KHDRBS2: variants seen among roughly 807,000 people sequenced by gnomAD.
KHDRBS2 encodes the protein KH RNA binding domain containing, signal transduction associated 2, also known as KH domain-containing, RNA-binding, signal transduction-associated protein 2.
Under a neutral mutation model 44.3 loss-of-function variants are expected in KHDRBS2, and 26 were observed. That is an observed-to-expected ratio of 0.59 (90% CI 0.43 to 0.81). The LOEUF (loss-of-function observed/expected upper bound fraction) is 0.81. Ranked by LOEUF, KHDRBS2 falls within the 40% of genes least tolerant of loss-of-function variation. KHDRBS2 has a pLI of 0.00. For missense variants in KHDRBS2, 476 were observed against 433.1 expected, an observed-to-expected ratio of 1.10 and a Z score of -0.88; for synonymous variants, 194 against 151.1, an observed-to-expected ratio of 1.28 and a Z score of -2.08.
At chr6:61,901,487 T>A in intron 4 of KHDRBS2, 116 bp from the exon 5 acceptor site, 1 of 768,732 alleles carries the variant, frequency 1.3e-6, no homozygotes, top group Non-Finnish European at 2.1e-6. Context: ...TTCATTTGTT[T>A]CCTGGAACTT....
At chr6:61,951,597 T>G (rs182538856) in intron 4 of KHDRBS2, among the ~76,000 whole-genome samples, 1 of 152,074 alleles carries the variant, frequency 6.6e-6, no homozygotes, top group Non-Finnish European at 1.5e-5. Context: ...GATTGCTTAC[T>G]CATGCAGTTC....
rs200585335 is a variant in KHDRBS2, at chr6:61,701,787, G to A, written c.894-4534C>T. Reference sequence around the variant, plus strand: ...ACTGTTATTGCCCACTGAGTCTTATGTGTTTTCTTCTGTTTTTCTAATGAT... The same window carrying A: ...ACTGTTATTGCCCACTGAGTCTTATATGTTTTCTTCTGTTTTTCTAATGAT... On this transcript the variant is annotated intron_variant, in intron 7 of 8. Coordinates refer to ENST00000281156, the MANE Select transcript of KHDRBS2 (RefSeq NM_152688.4). 4.6e-5 allele frequency among the ~76,000 whole-genome samples: 7 copies of A among 152,084 alleles called. No homozygotes were observed. In the East Asian group the frequency reaches 9.7e-4, roughly 21 times the overall value.
At chr6:61,959,080 G>C (rs2127392072) in intron 4 of KHDRBS2, among the ~76,000 whole-genome samples, 1 of 152,188 alleles carries the variant, frequency 6.6e-6, no homozygotes, top group East Asian at 1.9e-4. Context: ...TTCTTCTATT[G>C]TCCACAATGT....
chr6:61,579,006 A>ACAAAC, the KHDRBS2 span, among the ~76,000 whole-genome samples: 1 of 152,192 alleles, frequency 6.6e-6, no homozygotes, highest in Admixed American at 6.5e-5. Context: ...ACAGCTTGTC[A>ACAAAC]CAAACTATTA....
At chr6:61,695,401 C>T (rs1653729717) in intron 8 of KHDRBS2, among the ~76,000 whole-genome samples, 1 of 152,136 alleles carries the variant, frequency 6.6e-6, no homozygotes, top group Admixed American at 6.6e-5. Flanking sequence ...TTATCTGTTT[C>T]CCATCCTTCT....
At chr6:62,020,168 T>G (rs567883268) in intron 3 of KHDRBS2, among the ~76,000 whole-genome samples, 1 of 152,142 alleles carries the variant, frequency 6.6e-6, no homozygotes, top group African/African-American at 2.4e-5. Context: ...CTTCTTAAAC[T>G]TATGGATTAT....
At chr6:61,780,362 T>A (rs936917824) in intron 6 of KHDRBS2, among the ~76,000 whole-genome samples, 32 of 152,022 alleles carry the variant, frequency 2.1e-4, no homozygotes, top group Non-Finnish European at 3.7e-4. Context: ...TAGCCAGGTG[T>A]GGTGGCGTGT....
chr6:62,094,840 T>A (rs1263594538), intron 2 of KHDRBS2, among the ~76,000 whole-genome samples: 1 of 151,966 alleles, frequency 6.6e-6, no homozygotes. Flanking sequence ...TACACATACT[T>A]GGCATTTTTT....
chr6:62,048,121 T>TACACACACACACACACACAC (rs58133580), intron 2 of KHDRBS2, 127 bp from the exon 3 acceptor site: 15 of 405,536 alleles, frequency 3.7e-5, no homozygotes, highest in African/African-American at 3.1e-4. Context: ...GCCATAAACA[T>TACACACACACACACACACAC]ACACACACAC....
chr6:62,156,500 A>G (rs1816411479), intron 2 of KHDRBS2, among the ~76,000 whole-genome samples: 1 of 152,214 alleles, frequency 6.6e-6, no homozygotes, highest in South Asian at 2.1e-4. Flanking sequence ...ACTATAAAAT[A>G]AAAACTTTTA....
At chr6:62,037,509 A>T in intron 3 of KHDRBS2, among the ~76,000 whole-genome samples, 1 of 152,032 alleles carries the variant, frequency 6.6e-6, no homozygotes, top group East Asian at 1.9e-4. Flanking sequence ...ATATTCCATA[A>T]GAGTTTAATG....
Position 62,076,651 on chromosome 6 carries a change from A to T in KHDRBS2, c.220-28657T>A, listed in dbSNP as rs181029552. On this transcript the variant is annotated intron_variant, in intron 2 of 8. Transcript: ENST00000281156. ...TCATTTAGCAAATAATAGGGACTTT[A>T]AAAGTGTTTGCCTAGGAGGCAATTC... Among the ~76,000 whole-genome samples the T allele has an allele frequency of 3.8e-3, 584 of 152,180 alleles. 2 individuals carry two copies. The highest frequency in any genetic ancestry group is 0.014 in the African/African-American group (567 of 41,554).
At chr6:61,714,860 T>C (rs1220272753) in intron 7 of KHDRBS2, among the ~76,000 whole-genome samples, 1 of 151,670 alleles carries the variant, frequency 6.6e-6, no homozygotes, top group East Asian at 1.9e-4. Context: ...CCCATGGATG[T>C]AGAGTGTGGA....
chr6:62,072,897 A>G (rs1795500321), intron 2 of KHDRBS2, among the ~76,000 whole-genome samples: 1 of 151,894 alleles, frequency 6.6e-6, no homozygotes, highest in Non-Finnish European at 1.5e-5. Flanking sequence ...TATTGATTGG[A>G]ATAGTTTCAG....
At chr6:62,010,997 T>C (rs1780192553) in intron 3 of KHDRBS2, among the ~76,000 whole-genome samples, 1 of 152,180 alleles carries the variant, frequency 6.6e-6, no homozygotes, top group South Asian at 2.1e-4. Flanking sequence ...AAGTGTTTTG[T>C]TTTGTTTTTT....
At chr6:61,758,028 C>T (rs927536280) in intron 6 of KHDRBS2, among the ~76,000 whole-genome samples, 1 of 152,106 alleles carries the variant, frequency 6.6e-6, no homozygotes, top group African/African-American at 2.4e-5. Flanking sequence ...CCTTGTGCAT[C>T]TCTCTCCTGT....
At chr6:62,122,974 G>C (rs1452976119) in intron 2 of KHDRBS2, among the ~76,000 whole-genome samples, 1 of 151,834 alleles carries the variant, frequency 6.6e-6, no homozygotes, top group Non-Finnish European at 1.5e-5. Context: ...ATAGGTATAC[G>C]TGTGCCATGT....
intron 7 of KHDRBS2, among the ~76,000 whole-genome samples, chr6:61,717,943 C>A (rs1432715332): frequency 6.6e-6 from 1 of 151,962 alleles, no homozygotes; most frequent in Non-Finnish European, 1.5e-5. Context: ...GTCTTTATGT[C>A]TAACACCGTG....
At chr6:62,059,852 A>C (rs1334735066) in intron 2 of KHDRBS2, among the ~76,000 whole-genome samples, 1 of 151,868 alleles carries the variant, frequency 6.6e-6, no homozygotes, top group African/African-American at 2.4e-5. Flanking sequence ...AGAAGGGTAA[A>C]TAATTTCTGG....
Sources: gnomAD v4.1 joint callset for allele counts (sites outside exome capture counted in the v4.1 genomes callset) on GRCh38, gnomAD v4.1.1 for gene constraint, MANE v1.5 for transcripts, NCBI Gene and HGNC (gene_info 2026-07-23, HGNC 2026-07-21) for gene names.